Variants in TTN observed in about 807,000 individuals in gnomAD.
TTN encodes titin, also known as connectin.
In TTN, 1,525 loss-of-function variants were observed where a neutral mutation model predicts 3,223.0. The ratio of observed to expected loss-of-function variants is 0.47; its 90% CI spans 0.45 to 0.49. TTN has a LOEUF of 0.49. Ranked by LOEUF, TTN falls within the 20% of genes least tolerant of loss-of-function variation. The pLI is 0.00. For synonymous variants in TTN, 14,094 were observed against 15,161.0 expected (o/e 0.93, Z 5.17); for missense variants, 40,786 against 43,424.0 (o/e 0.94, Z 5.40).
In TTN at chr2:178,621,525, T is replaced by C; in HGVS notation, c.45299A>G (p.Tyr15100Cys). Residue 15100 changes from tyrosine (Y) to cysteine (C), a missense_variant, in exon 245 of 363, where the codon TAC becomes TGC. Coordinates refer to ENST00000589042, the MANE Select transcript of TTN (RefSeq NM_001267550.2). ...TCGAGAGCTTGGGAGTCGACAGTTG[T>C]AGTTGCCAGCATCCTCAAGGTGAGC... is the stretch of plus-strand genomic sequence containing the variant. Reference protein sequence around the residue: ...QNAHLEDAGNYNCRLPSSRTD... With the variant: ...QNAHLEDAGNCNCRLPSSRTD... The C allele has an allele frequency of 1.2e-6, 2 of 1,612,492 alleles. No homozygotes were observed. Among genetic ancestry groups the C allele is most frequent in the Non-Finnish European group, 1.7e-6 (2 of 1,179,092 alleles).
At position 178,704,518 on chromosome 2, in the gene TTN, G is replaced by C; in HGVS notation, c.29954C>G (p.Thr9985Ser). 6.2e-7 allele frequency: 1 copy of C among 1,604,052 alleles called. No homozygotes were observed. The highest frequency in any genetic ancestry group is 8.5e-7 in the Non-Finnish European group (1 of 1,174,610). Residue 9985 changes from threonine to serine, a missense_variant, in exon 105 of 363, where the codon ACT (threonine) becomes AGT (serine). By Grantham distance (58) the Thr-to-Ser change is moderately conservative. Coordinates refer to ENST00000589042, the MANE Select transcript of TTN (RefSeq NM_001267550.2). Reference sequence around the variant, plus strand: ...AGCCTTTTCTAACTTACCAATTACAGTTAGTTTAGCGCTAGCGATGTGTGG... The same window carrying C: ...AGCCTTTTCTAACTTACCAATTACACTTAGTTTAGCGCTAGCGATGTGTGG... ...CGPHIASAKLTVIEPAWERHL... is the reference protein window; with the variant it reads ...CGPHIASAKLSVIEPAWERHL...
At chr2:178,789,197 T>G (rs1344104668) in intron 13 of TTN, among the ~76,000 whole-genome samples, 163 bp downstream of exon 13, 1 of 152,148 alleles carries the variant, frequency 6.6e-6, no homozygotes, top group Non-Finnish European at 1.5e-5. Context: ...TTTTTTTAGT[T>G]TCCAATTATT....
Position 178,720,591 on chromosome 2 carries a change from T to G in TTN, c.23171A>C (p.Glu7724Ala), listed in dbSNP as rs750019682. 6.2e-7 allele frequency: 1 copy of G among 1,613,342 alleles called. No individual in the cohort carries two copies. The highest frequency in any genetic ancestry group is 8.5e-7 in the Non-Finnish European group (1 of 1,179,572). ...TTCAAATGGGGGAGTTCCCGAAATTTCACATTGGAGAATCACATCAGAACC... is the reference window on the plus strand; with the variant it reads ...TTCAAATGGGGGAGTTCCCGAAATTGCACATTGGAGAATCACATCAGAACC... ...LKGSDVILQC[E>A]ISGTPPFEVV... Residue 7724 changes from glutamate to alanine, a missense_variant, in exon 80 of 363, where the codon GAA becomes GCA. Coordinates refer to ENST00000589042, the MANE Select transcript of TTN (RefSeq NM_001267550.2).
chr2:178,733,514 G>A lies in TTN; in HGVS notation c.15779C>T (p.Pro5260Leu). The A allele has an allele frequency of 1.2e-6, 2 of 1,609,610 alleles. No homozygotes were observed. The highest frequency in any genetic ancestry group is 1.7e-6 in the Non-Finnish European group (2 of 1,177,014). Residue 5260 changes from proline (P) to leucine (L), a missense_variant, in exon 54 of 363, where the codon CCT becomes CTT. By Grantham distance (98) the Pro-to-Leu change is moderately conservative. Coordinates refer to ENST00000589042, the MANE Select transcript of TTN (RefSeq NM_001267550.2). ...TTCTGCTCGCTCAATGATTTTGGCAGGTTCTACAATGGTATGAAATAGTTA... is the reference window on the plus strand; with the variant it reads ...TTCTGCTCGCTCAATGATTTTGGCAAGTTCTACAATGGTATGAAATAGTTA... ...TSVGELIVKE[P>L]AKIIERAELI...
chr2:178,759,260 G>T, intron 43 of TTN, 88 bp from the exon 44 acceptor site: 2 of 1,301,570 alleles, frequency 1.5e-6, no homozygotes. Context: ...AATAATACTA[G>T]TGCCTACATT....
At position 178,634,566 on chromosome 2, in the gene TTN, C is replaced by A. The variant is rs747161377; in HGVS notation, c.42215G>T (p.Arg14072Leu). ...CTCTCGGGTGAGGACACATTCGAAT[C>A]GAGCCTGTCGCCTTTCTGGAACAGT... ...DVTVPERRQA[R>L]FECVLTREAN... The change falls in exon 230 of 363, where the codon CGA becomes CTA. Residue 14072 changes from arginine to leucine, a missense_variant. By Grantham distance (102) the Arg-to-Leu change is moderately radical. Coordinates refer to ENST00000589042, the MANE Select transcript of TTN (RefSeq NM_001267550.2). This position sits in a 1 kb window ranked among gnomAD's most constrained non-coding sequence, Gnocchi z 4.6. 9.3e-6 allele frequency: 15 copies of A among 1,613,300 alleles called. No homozygotes were observed. Among genetic ancestry groups the A allele is most frequent in the East Asian group, 4.5e-5 (2 of 44,800 alleles).
chr2:178,793,657 G>T, intron 8 of TTN, 116 bp from the exon 9 acceptor site: 2 of 1,428,552 alleles, frequency 1.4e-6, no homozygotes, highest in Non-Finnish European at 1.9e-6. Context: ...AAAATTAGCT[G>T]GGTGTGGTGG....
rs751733946 is a variant in TTN at position 178,722,227 on chromosome 2, T to C, written c.22528+32A>G. 2.0e-6 allele frequency: 3 copies of C among 1,533,318 alleles called. No individual in the cohort carries two copies. The African/African-American group carries it at 4.2e-5, about 21-fold the overall frequency. The allele number at this position is 1,533,318 out of a possible 1,614,324, so 95.0% of individuals were successfully genotyped here. A position where few individuals can be genotyped will look rare whatever the true frequency, so the allele number is the denominator to read the frequency against. On this transcript the variant is annotated intron_variant, in intron 77 of 362. Transcript: ENST00000589042. Reference sequence around the variant, plus strand: ...TGACAATGAAATATGAAGCCACAGTTTGCAAAGAAAAAGAGTGACGTGTGA... The same window carrying C: ...TGACAATGAAATATGAAGCCACAGTCTGCAAAGAAAAAGAGTGACGTGTGA...
Position 178,526,920 on chromosome 2 carries a change from T to C in TTN, c.*92A>G, listed in dbSNP as rs150166106. On this transcript the variant is annotated 3_prime_UTR_variant, in exon 363 of 363. Coordinates refer to ENST00000589042, the MANE Select transcript of TTN (RefSeq NM_001267550.2). ...AGGTTGATACAAAACTACTTTTTTT[T>C]CTTTAAATATTTACAGTTCAGAAAG... is the stretch of plus-strand genomic sequence containing the variant. The C allele has an allele frequency of 8.0e-7, 1 of 1,249,518 alleles. No homozygotes were observed. Among genetic ancestry groups the C allele is most frequent in the Non-Finnish European group, 1.1e-6 (1 of 932,036 alleles). 77.4% of individuals were successfully genotyped at this position (1,249,518 alleles called of 1,614,324 possible).
In TTN at chr2:178,718,573, G is replaced by GC; in HGVS notation, c.24532dup (p.Ala8178GlyfsTer2). The GC allele has an allele frequency of 6.2e-7, 1 of 1,612,670 alleles. No homozygotes were observed. The highest frequency in any genetic ancestry group is 8.5e-7 in the Non-Finnish European group (1 of 1,179,022). On this transcript the variant is annotated frameshift_variant, in exon 85 of 363. Coordinates refer to ENST00000589042, the MANE Select transcript of TTN (RefSeq NM_001267550.2). LOFTEE classifies it high-confidence loss of function. ...GCTTCCTGTCTCAACACTGAAATCA[G>GC]CCAATCTTTTCACAAAGGTGGCTGG... is the stretch of plus-strand genomic sequence containing the variant.
intron 52 of TTN, 56 bp from the exon 53 acceptor site, chr2:178,733,948 C>CATTT: frequency 6.8e-7 from 1 of 1,472,308 alleles, no homozygotes; most frequent in Non-Finnish European, 9.1e-7. Context: ...CTTTCAACAC[C>CATTT]ATCTATATTT....
At position 178,665,713 on chromosome 2, in the gene TTN, G is replaced by T. The variant is rs1045537566; in HGVS notation, c.35954C>A (p.Thr11985Asn). 7 of 1,334,470 alleles carry T rather than the reference G, an allele frequency of 5.2e-6. No individual in the cohort carries two copies. In the African/African-American group the frequency reaches 8.9e-5, roughly 17 times the overall value. 82.7% of individuals were successfully genotyped at this position (1,334,470 alleles called of 1,614,324 possible). A position where few individuals can be genotyped will look rare whatever the true frequency, so the allele number is the denominator to read the frequency against. The change falls in exon 164 of 363, where the codon ACT becomes AAT. Residue 11985 changes from threonine to asparagine, a missense_variant. Physicochemically the swap from Thr to Asn is moderately conservative, Grantham distance 65. Transcript: ENST00000589042. ...AATGGCAGGATGAACGATACCTTTA[G>T]TGGGAGGTATTTCAATTTCAAGGGG... ...AAPLEIEIPP[T>N]KAPEAMKEVV... is the part of the protein sequence containing the mutation.
rs754529831 is a variant in TTN at position 178,766,570 on chromosome 2, C to T, written c.9514G>A (p.Glu3172Lys). ...TACCAGTGGGCATCAACATCGTCTT[C>T]ATTGACCTCAAATTCAACAACAGCA... ...QRAVVEFEVNEDDVDAHWYKD... is the reference protein window; with the variant it reads ...QRAVVEFEVNKDDVDAHWYKD... The change falls in exon 41 of 363, where the codon GAA becomes AAA. Residue 3172 changes from glutamate to lysine, a missense_variant. By Grantham distance (56) the Glu-to-Lys change is moderately conservative (BLOSUM62 1). Coordinates refer to ENST00000589042, the MANE Select transcript of TTN (RefSeq NM_001267550.2). 7 of 1,614,076 alleles carry T rather than the reference C, an allele frequency of 4.3e-6. No homozygotes were observed. Among genetic ancestry groups the T allele is most frequent in the Non-Finnish European group, 5.9e-6 (7 of 1,180,002 alleles).
chr2:178,733,162 G>T (rs749277135), intron 54 of TTN, 41 bp from the exon 55 acceptor site: 3 of 1,561,272 alleles, frequency 1.9e-6, no homozygotes, highest in South Asian at 1.2e-5. Context: ...CAATATAGAA[G>T]AGTGCTCAGT....
At position 178,545,419 on chromosome 2, in the gene TTN, A is replaced by G; in HGVS notation, c.95691T>C (p.Ala31897=). 6.3e-7 allele frequency: 1 copy of G among 1,590,274 alleles called. No individual in the cohort carries two copies. The highest frequency in any genetic ancestry group is 2.3e-5 in the East Asian group (1 of 44,440). ...NAAGNSEPSE[A]SNFISCREPS... is the part of the protein sequence containing the mutation. Reference sequence around the variant, plus strand: ...GTTCTCTGCATGAGATGAAGTTGGAAGCTTCGCTGGGCTCACTGTTACCAG... The same window carrying G: ...GTTCTCTGCATGAGATGAAGTTGGAGGCTTCGCTGGGCTCACTGTTACCAG... The change falls in exon 344 of 363, where the codon GCT becomes GCC. Residue 31897 remains alanine, a synonymous_variant. Transcript: ENST00000589042.
At chr2:178,783,908 A>G in intron 16 of TTN, 123 bp from the exon 17 acceptor site, 1 of 1,082,692 alleles carries the variant, frequency 9.2e-7, no homozygotes, top group African/African-American at 1.7e-5. Context: ...ATAATTTGAG[A>G]AAATGATCTC....
At chr2:178,780,375 A>G (rs1365204927) in intron 21 of TTN, among the ~76,000 whole-genome samples, 170 bp from the exon 22 acceptor site, 2 of 152,190 alleles carry the variant, frequency 1.3e-5, no homozygotes, top group Middle Eastern at 3.2e-3. Context: ...TTGGAAACCA[A>G]ACTAACACTA....
chr2:178,731,879 A>G lies in TTN; in HGVS notation c.16996T>C (p.Phe5666Leu). The change falls in exon 58 of 363, where the codon TTT becomes CTT. Residue 5666 changes from phenylalanine (F) to leucine (L), a missense_variant. Phe to Leu is a conservative substitution (Grantham distance 22, BLOSUM62 0). Transcript: ENST00000589042. Reference protein sequence around the residue: ...LLAEVAGTPPFEITWFKDNTI... With the variant: ...LLAEVAGTPPLEITWFKDNTI... ...TTATCTTTGAACCAAGTGATCTCAA[A>G]GGGAGGAGTGCCTGCCACCTCAGCC... The G allele has an allele frequency of 1.2e-6, 2 of 1,613,798 alleles. No individual in the cohort carries two copies. The highest frequency in any genetic ancestry group is 1.1e-5 in the South Asian group (1 of 91,082).
chr2:178,665,071 G>T, intron 165 of TTN, 145 bp from the exon 166 acceptor site: 1 of 1,005,678 alleles, frequency 9.9e-7, no homozygotes, highest in Non-Finnish European at 1.4e-6. Context: ...TCTTTTAAGG[G>T]GTTAGTGGAT....
Sources: allele counts gnomAD v4.1 joint callset (sites outside exome capture counted in the v4.1 genomes callset), GRCh38; gene constraint gnomAD v4.1.1; non-coding constraint Gnocchi (gnomAD v3.1); transcripts MANE v1.5; gene names NCBI Gene and HGNC (gene_info 2026-07-23, HGNC 2026-07-21).